SMAD1: variants seen among roughly 807,000 people sequenced by gnomAD.
SMAD1 encodes the protein SMAD family member 1.
In SMAD1, 6 loss-of-function variants were observed where a neutral mutation model predicts 41.6. The observed-to-expected ratio is 0.14, with a 90% CI of 0.08 to 0.28. The LOEUF (loss-of-function observed/expected upper bound fraction) is 0.28, where lower values mean the gene tolerates loss of function less well. Ranked by LOEUF, SMAD1 falls within the 10% of genes least tolerant of loss-of-function variation. The pLI is 1.00. For synonymous variants in SMAD1, 206 were observed against 203.2 expected (o/e 1.01, Z -0.12); for missense variants, 379 against 582.6 (o/e 0.65, Z 3.60).
intron 1 of SMAD1, among the ~76,000 whole-genome samples, chr4:145,511,884 T>A (rs183161917): frequency 6.6e-6 from 1 of 152,222 alleles, no homozygotes; most frequent in African/African-American, 2.4e-5. Context: ...TCTTTGCTTA[T>A]TTCTAGAGTC....
rs1292365095 is a variant in SMAD1, at chr4:145,514,613, T to C, written c.-1T>C. ...CAAGGAGTATAACTAGTGCTGTCAT[T>C]ATGAATGTGACAAGTTTATTTTCCT... On this transcript the variant is annotated 5_prime_UTR_variant, in exon 2 of 7. Transcript: ENST00000302085. The surrounding 1 kb of genome is among the most constrained non-coding windows in gnomAD (Gnocchi z 4.7). 1 of 1,597,792 alleles carries C rather than the reference T, an allele frequency of 6.3e-7. No homozygotes were observed. The highest frequency in any genetic ancestry group is 1.4e-5 in the African/African-American group (1 of 73,980).
intron 2 of SMAD1, among the ~76,000 whole-genome samples, chr4:145,517,466 G>A (rs1730479085): frequency 6.6e-6 from 1 of 152,010 alleles, no homozygotes; most frequent in Non-Finnish European, 1.5e-5. Flanking sequence ...ATAGCAACCT[G>A]AATTTCTTTA....
intron 2 of SMAD1, among the ~76,000 whole-genome samples, chr4:145,523,212 A>G (rs1293027231): frequency 6.6e-6 from 1 of 152,214 alleles, no homozygotes; most frequent in Non-Finnish European, 1.5e-5. Context: ...GTTAGCATGT[A>G]ATTACAGCAC....
chr4:145,486,367 G>A (rs1728480548), intron 1 of SMAD1, among the ~76,000 whole-genome samples: 1 of 152,184 alleles, frequency 6.6e-6, no homozygotes, highest in Non-Finnish European at 1.5e-5. Flanking sequence ...TAGGAGGAAA[G>A]TTGTAGTAAT....
Position 145,558,093 on chromosome 4 carries a change from A to AAC in SMAD1, c.*168_*169dup, listed in dbSNP as rs113928313. On this transcript the variant is annotated 3_prime_UTR_variant, in exon 7 of 7. Transcript: ENST00000302085. ...AGAAATTTAAACAAAAAAAAAAAAAAACACACACACCTTGGTAACATACTG... is the reference window on the plus strand; with the variant it reads ...AGAAATTTAAACAAAAAAAAAAAAAAACACACACACACCTTGGTAACATACTG... The AAC allele has an allele frequency of 1.0e-5, 4 of 400,302 alleles. No individual in the cohort carries two copies. The highest frequency in any genetic ancestry group is 2.0e-5 in the African/African-American group (1 of 48,978). 24.8% of individuals were successfully genotyped at this position (400,302 alleles called of 1,614,324 possible).
chr4:145,532,638 A>G (rs1731378930), intron 2 of SMAD1, among the ~76,000 whole-genome samples: 1 of 152,252 alleles, frequency 6.6e-6, no homozygotes, highest in African/African-American at 2.4e-5. Flanking sequence ...AGCAGCCCTT[A>G]AAGAGGGAAG....
intron 1 of SMAD1, among the ~76,000 whole-genome samples, chr4:145,512,654 T>C (rs532576175): frequency 2.1e-4 from 32 of 152,340 alleles, no homozygotes; most frequent in African/African-American, 7.7e-4. Flanking sequence ...TAAATAGTAA[T>C]CATTAATACT....
At chr4:145,500,529 G>A (rs1419452724) in intron 1 of SMAD1, among the ~76,000 whole-genome samples, 1 of 152,016 alleles carries the variant, frequency 6.6e-6, no homozygotes, top group Non-Finnish European at 1.5e-5. Flanking sequence ...CCTTTCAGGG[G>A]GCTGTTCAGA....
chr4:145,540,179 A>G, intron 3 of SMAD1, 118 bp downstream of exon 3: 2 of 1,129,898 alleles, frequency 1.8e-6, no homozygotes, highest in Non-Finnish European at 2.5e-6. Context: ...TATATGACAT[A>G]GTGCTCTCGC....
intron 2 of SMAD1, among the ~76,000 whole-genome samples, chr4:145,522,073 C>T (rs1212852505): frequency 6.6e-6 from 1 of 152,066 alleles, no homozygotes; most frequent in South Asian, 2.1e-4. Context: ...TTTGGGAGGC[C>T]AAGGCGGGCG....
chr4:145,493,601 A>G (rs925223099), intron 1 of SMAD1, among the ~76,000 whole-genome samples: 4 of 152,236 alleles, frequency 2.6e-5, no homozygotes, highest in African/African-American at 9.6e-5. Context: ...GCATTCATTT[A>G]TAGCATATAT....
intron 5 of SMAD1, among the ~76,000 whole-genome samples, 194 bp from the exon 6 acceptor site, chr4:145,553,590 A>G (rs1468493641): frequency 6.6e-6 from 1 of 152,144 alleles, no homozygotes; most frequent in Non-Finnish European, 1.5e-5. Context: ...CCTGGTTTCT[A>G]ACAGGCCACG....
At chr4:145,495,118 A>C (rs2126947851) in intron 1 of SMAD1, among the ~76,000 whole-genome samples, 1 of 152,304 alleles carries the variant, frequency 6.6e-6, no homozygotes, top group South Asian at 2.1e-4. Flanking sequence ...GTTGTCACGA[A>C]TTGGAGGGAG....
intron 2 of SMAD1, among the ~76,000 whole-genome samples, chr4:145,519,376 G>A (rs1018488216): frequency 1.3e-5 from 2 of 149,178 alleles, no homozygotes; most frequent in African/African-American, 4.9e-5. Flanking sequence ...GATTATAGGC[G>A]TGAGCCACTG....
intron 1 of SMAD1, among the ~76,000 whole-genome samples, chr4:145,485,877 AC>A (rs1257099715): frequency 6.6e-6 from 1 of 152,356 alleles, no homozygotes; most frequent in East Asian, 1.9e-4. Context: ...TTCCATAAGT[AC>A]TATTGTTGTC....
intron 2 of SMAD1, among the ~76,000 whole-genome samples, chr4:145,519,130 C>T (rs1309943195): frequency 3.8e-5 from 3 of 78,578 alleles, no homozygotes; most frequent in Non-Finnish European, 8.4e-5. Context: ...GAGTCTCGCT[C>T]TGTTGACCAG....
At chr4:145,548,257 C>T (rs1732362631) in intron 5 of SMAD1, among the ~76,000 whole-genome samples, 1 of 151,652 alleles carries the variant, frequency 6.6e-6, no homozygotes. Flanking sequence ...GAGACGGAGT[C>T]TCCCTGTGTC....
chr4:145,541,706 T>C (rs541397455), intron 3 of SMAD1, among the ~76,000 whole-genome samples: 5 of 152,316 alleles, frequency 3.3e-5, no homozygotes, highest in Non-Finnish European at 7.3e-5. Context: ...ATTTGACAGT[T>C]GCTCTGAGTG....
rs751171196 is a variant in SMAD1 at position 145,514,928 on chromosome 4, A to G, written c.315A>G (p.Pro105=). Reference sequence around the variant, plus strand: ...TTCAGAGCCACCATGAACTAAAACCACTGGAATGCTGTGAGTTTCCTTTTG... The same window carrying G: ...TTCAGAGCCACCATGAACTAAAACCGCTGGAATGCTGTGAGTTTCCTTTTG... The part of the protein sequence containing the change: ...PDLQSHHELK[P]LECCEFPFGS... Residue 105 remains proline (P), a synonymous_variant, in exon 2 of 7, where the codon CCA becomes CCG. Coordinates refer to ENST00000302085, the MANE Select transcript of SMAD1 (RefSeq NM_005900.3). The surrounding 1 kb of genome is among the most constrained non-coding windows in gnomAD (Gnocchi z 4.7). 2 of 1,613,964 alleles carry G rather than the reference A, an allele frequency of 1.2e-6. No homozygotes were observed. The highest frequency in any genetic ancestry group is 1.1e-5 in the South Asian group (1 of 91,070).
Sources: gnomAD v4.1 joint callset for allele counts (sites outside exome capture counted in the v4.1 genomes callset) on GRCh38, gnomAD v4.1.1 for gene constraint, Gnocchi (gnomAD v3.1) non-coding constraint, MANE v1.5 for transcripts, NCBI Gene and HGNC (gene_info 2026-07-23, HGNC 2026-07-21) for gene names.